SRGAP2C: variants seen among roughly 807,000 people sequenced by gnomAD.
The protein encoded by SRGAP2C is SLIT-ROBO Rho GTPase activating protein 2C.
A neutral mutation model predicts 25.1 loss-of-function variants in SRGAP2C; 15 were observed. The ratio of observed to expected loss-of-function variants is 0.60; its 90% CI spans 0.40 to 0.92. SRGAP2C has a LOEUF of 0.92. Ranked by LOEUF, SRGAP2C falls within the 40% of genes least tolerant of loss-of-function variation. The pLI is 0.00. For synonymous variants in SRGAP2C, 44 were observed against 96.6 expected (o/e 0.46, Z 3.19); for missense variants, 144 against 264.4 (o/e 0.54, Z 3.16).
chr1:121,297,688 G>T (rs1306691161), intron 3 of SRGAP2C, among the ~76,000 whole-genome samples: 4 of 145,000 alleles, frequency 2.8e-5, no homozygotes, highest in Non-Finnish European at 4.5e-5. Flanking sequence ...CACAAGTTCT[G>T]GGAACCAGAT....
intron 3 of SRGAP2C, among the ~76,000 whole-genome samples, chr1:121,285,402 T>TCACACACACACACACACACACA (rs1452003957): frequency 7.8e-6 from 1 of 128,232 alleles, no homozygotes; most frequent in Non-Finnish European, 1.7e-5. Flanking sequence ...TCTCTCTCTC[T>TCACACACACACACACACACACA]CTCACACACA....
At chr1:121,385,038 A>G (rs1553356030) in intron 8 of SRGAP2C, among the ~76,000 whole-genome samples, 1 of 152,058 alleles carries the variant, frequency 6.6e-6, no homozygotes, top group African/African-American at 2.4e-5. Context: ...TGAAATAAAA[A>G]GAGATGAGAG....
At chr1:121,316,873 A>T (rs1658110944) in intron 3 of SRGAP2C, among the ~76,000 whole-genome samples, 1 of 148,870 alleles carries the variant, frequency 6.7e-6, no homozygotes, top group African/African-American at 2.5e-5. Context: ...TAGCATGTAG[A>T]TTGTACCAAG....
rs1200068084 is a variant in SRGAP2C at position 121,331,828 on chromosome 1, T to G, written c.423+7188T>G. 2.6e-5 allele frequency among the ~76,000 whole-genome samples: 4 copies of G among 151,008 alleles called. No individual in the cohort carries two copies. The East Asian group carries it at 7.9e-4, about 30-fold the overall frequency. ...AAGAAGCCAAGCACAATGAGTACAT[T>G]CTGTATGATTCTGTTTCTATAAAAT... On this transcript the variant is annotated intron_variant, in intron 4 of 9. Coordinates refer to ENST00000367123, the MANE Select transcript of SRGAP2C (RefSeq NM_001329984.2).
At chr1:121,206,201 C>G (rs1317717894) in intron 2 of SRGAP2C, among the ~76,000 whole-genome samples, 2 of 152,020 alleles carry the variant, frequency 1.3e-5, no homozygotes, top group African/African-American at 4.8e-5. Flanking sequence ...CCCCCACCCC[C>G]ATGCTCCTTC....
intron 4 of SRGAP2C, among the ~76,000 whole-genome samples, chr1:121,339,170 C>T (rs1658590450): frequency 6.6e-6 from 1 of 150,982 alleles, no homozygotes; most frequent in Admixed American, 6.6e-5. Flanking sequence ...TTAAATGTTG[C>T]CTATATGATC....
intron 1 of SRGAP2C, among the ~76,000 whole-genome samples, chr1:121,186,276 G>T (rs1458653612): frequency 6.3e-5 from 4 of 63,618 alleles, no homozygotes; most frequent in Admixed American, 1.6e-4. Context: ...CCGCCCCCCG[G>T]TTTTCCCGGC....
rs1553318634 is a variant in SRGAP2C at position 121,185,140 on chromosome 1, C to T, written c.-543+16C>T. 8.6e-6 allele frequency: 4 copies of T among 462,914 alleles called. No homozygotes were observed. The highest frequency in any genetic ancestry group is 1.5e-5 in the Non-Finnish European group (4 of 266,434). The allele number at this position is 462,914 out of a possible 1,614,324, so 28.7% of individuals were successfully genotyped here. On this transcript the variant is annotated intron_variant, in intron 1 of 9. Coordinates refer to ENST00000367123, the MANE Select transcript of SRGAP2C (RefSeq NM_001329984.2). ...TCAGAGCCAGGTAAAGGCTCCTTCC[C>T]TCTTCCTTTTCTTCCTCCCGGCCGC...
rs1420658842 is a variant in SRGAP2C at position 121,308,887 on chromosome 1, C to T, written c.261-15591C>T. On this transcript the variant is annotated intron_variant, in intron 3 of 9. Transcript: ENST00000367123. ...CCAGGAGGCGGAGGTTGCGGTGAGCCGAGATCGCACCATTGCACTCTAGCC... is the reference window on the plus strand; with the variant it reads ...CCAGGAGGCGGAGGTTGCGGTGAGCTGAGATCGCACCATTGCACTCTAGCC... 2.3e-4 allele frequency among the ~76,000 whole-genome samples: 31 copies of T among 136,568 alleles called. No individual in the cohort carries two copies. In the South Asian group the frequency reaches 4.4e-3, roughly 19 times the overall value. 89.6% of individuals were successfully genotyped at this position (136,568 alleles called of 152,430 possible).
At chr1:121,270,259 A>G (rs1245779861) in intron 2 of SRGAP2C, among the ~76,000 whole-genome samples, 1 of 151,784 alleles carries the variant, frequency 6.6e-6, no homozygotes, top group Non-Finnish European at 1.5e-5. Context: ...TCTCTATCAG[A>G]ATTTTTTAAG....
At chr1:121,274,399 GC>G (rs1553335806) in intron 2 of SRGAP2C, among the ~76,000 whole-genome samples, 1 of 150,246 alleles carries the variant, frequency 6.7e-6, no homozygotes, top group African/African-American at 2.4e-5. Context: ...CATTTCACGG[GC>G]CAACTGAACT....
At chr1:121,237,374 T>C (rs587690970) in intron 2 of SRGAP2C, among the ~76,000 whole-genome samples, 182 of 152,202 alleles carry the variant, frequency 1.2e-3, no homozygotes, top group African/African-American at 4.3e-3. Context: ...ATGTGTTCGC[T>C]CCAGTCTTTG....
chr1:121,239,262 A>AG (rs1553329389), intron 2 of SRGAP2C, among the ~76,000 whole-genome samples: 1 of 1,710 alleles, frequency 5.8e-4, no homozygotes, highest in African/African-American at 8.5e-3. Context: ...ATATATATAT[A>AG]TATACTATAT....
intron 4 of SRGAP2C, among the ~76,000 whole-genome samples, chr1:121,359,481 C>T (rs1263651384): frequency 2.6e-5 from 4 of 151,788 alleles, no homozygotes; most frequent in Non-Finnish European, 5.9e-5. Flanking sequence ...TATCTGAAAA[C>T]AATTTTTTTA....
intron 3 of SRGAP2C, among the ~76,000 whole-genome samples, chr1:121,303,979 C>A (rs1657760030): frequency 6.8e-6 from 1 of 146,222 alleles, no homozygotes; most frequent in Admixed American, 6.8e-5. Context: ...CCGAGGCGGG[C>A]CGATCATGAG....
In SRGAP2C at chr1:121,239,264, A is replaced by AG. The variant is rs1404106920; in HGVS notation, c.68-45539_68-45538insG. On this transcript the variant is annotated intron_variant, in intron 2 of 9. Coordinates refer to ENST00000367123, the MANE Select transcript of SRGAP2C (RefSeq NM_001329984.2). ...ATATATACTATATATATATATATATATACTATATATATATATACTATATAT... is the reference window on the plus strand; with the variant it reads ...ATATATACTATATATATATATATATAGTACTATATATATATATACTATATAT... 3.8e-3 allele frequency among the ~76,000 whole-genome samples: 5 copies of AG among 1,332 alleles called. 2 individuals carry two copies. The African/African-American group carries it at 0.05, about 13-fold the overall frequency. 0.9% of individuals were successfully genotyped at this position (1,332 alleles called of 152,430 possible). A position where few individuals can be genotyped will look rare whatever the true frequency, so the allele number is the denominator to read the frequency against.
intron 3 of SRGAP2C, among the ~76,000 whole-genome samples, chr1:121,287,805 T>C (rs1467191917): frequency 6.6e-6 from 1 of 152,034 alleles, no homozygotes. Context: ...ATGGTCTCGC[T>C]GGCTCAGGAG....
chr1:121,303,988 A>T (rs1410994185), intron 3 of SRGAP2C, among the ~76,000 whole-genome samples: 1 of 147,422 alleles, frequency 6.8e-6, no homozygotes, highest in Non-Finnish European at 1.5e-5. Flanking sequence ...GCCGATCATG[A>T]GGTCAGGAGA....
rs1553352298 is a variant in SRGAP2C at position 121,374,186 on chromosome 1, G to A, written c.702G>A (p.Lys234=). The change falls in exon 6 of 10, where the codon AAG becomes AAA. Residue 234 remains lysine, a splice_region_variant and synonymous_variant. Transcript: ENST00000367123. ...SVKKIEKMKE[K]HQAKYTENKL... ...AGAAGATTGAGAAGATGAAGGAGAA[G>A]GTATGTAGGCTCCCACAGCTGTAGA... The A allele has an allele frequency of 3.3e-6, 2 of 614,668 alleles. No homozygotes were observed. Among genetic ancestry groups the A allele is most frequent in the South Asian group, 1.6e-5 (1 of 62,442 alleles). The allele number at this position is 614,668 out of a possible 1,614,324, so 38.1% of individuals were successfully genotyped here.
Sources: gnomAD v4.1 joint callset for allele counts (sites outside exome capture counted in the v4.1 genomes callset) on GRCh38, gnomAD v4.1.1 for gene constraint, MANE v1.5 for transcripts, NCBI Gene and HGNC (gene_info 2026-07-23, HGNC 2026-07-21) for gene names.